ESR1: variants seen among roughly 807,000 people sequenced by gnomAD.
ESR1 encodes estrogen receptor.
A neutral mutation model predicts 52.7 loss-of-function variants in ESR1; 12 were observed. That is an observed-to-expected ratio of 0.23 (90% confidence interval 0.15 to 0.37). The LOEUF (loss-of-function observed/expected upper bound fraction) is 0.37, where lower values mean the gene tolerates loss of function less well. ESR1 is among the 10% of genes least tolerant of loss of function. The pLI, the probability that ESR1 is intolerant of heterozygous loss-of-function variation, is 1.00. For missense variants in ESR1, 584 were observed against 779.7 expected (o/e 0.75, Z 2.99); for synonymous variants, 305 against 316.8 (o/e 0.96, Z 0.39).
intron 3 of ESR1, among the ~76,000 whole-genome samples, chr6:151,884,598 G>A (rs555610365): frequency 3.3e-5 from 5 of 152,310 alleles, no homozygotes; most frequent in African/African-American, 1.2e-4. Context: ...CCAAAAGAGT[G>A]CATGATTTGT....
chr6:151,819,858 A>G (rs1451846796), intron 1 of ESR1, among the ~76,000 whole-genome samples: 2 of 152,212 alleles, frequency 1.3e-5, no homozygotes, highest in South Asian at 2.1e-4. Context: ...CTTATAAGGC[A>G]TATTAGAGTA....
At chr6:151,729,367 T>C (rs982034797) in intron 2 of ESR1, among the ~76,000 whole-genome samples, 10 of 152,206 alleles carry the variant, frequency 6.6e-5, no homozygotes, top group African/African-American at 1.9e-4. Flanking sequence ...ACCTAGTCTA[T>C]AGTGTGTTTT....
chr6:152,102,471 A>G lies in ESR1; in HGVS notation c.*3505A>G. The G allele has an allele frequency of 4.8e-6, 1 of 208,908 alleles. No individual in the cohort carries two copies. The highest frequency in any genetic ancestry group is 9.7e-6 in the Non-Finnish European group (1 of 102,612). The allele number at this position is 208,908 out of a possible 1,614,324, so 12.9% of individuals were successfully genotyped here. On this transcript the variant is annotated 3_prime_UTR_variant, in exon 8 of 8. Transcript: ENST00000206249. ...AAATAGAGTCATACAGTAGCTCAAA[A>G]GGCAACCATAATTCTCTTTGGTGCA...
intron 2 of ESR1, among the ~76,000 whole-genome samples, chr6:151,770,408 T>C (rs1006337844): frequency 1.8e-4 from 27 of 152,182 alleles, no homozygotes; most frequent in Non-Finnish European, 5.9e-5. Context: ...ATTTATTTTA[T>C]AGAATTTAAA....
chr6:152,078,490 G>A (rs2459107), intron 6 of ESR1, among the ~76,000 whole-genome samples: 66,602 of 151,892 alleles, frequency 0.44, 16,399 homozygotes, highest in African/African-American at 0.66. Context: ...TTAAAAATCA[G>A]TCTTTTGGTT....
chr6:151,854,968 C>T (rs1787543019), intron 2 of ESR1, among the ~76,000 whole-genome samples: 2 of 152,158 alleles, frequency 1.3e-5, no homozygotes, highest in African/African-American at 2.4e-5. Flanking sequence ...GGTTGGAGTG[C>T]AGTGGTGCGA....
At chr6:151,930,408 A>G (rs1480970226) in intron 3 of ESR1, among the ~76,000 whole-genome samples, 1 of 152,226 alleles carries the variant, frequency 6.6e-6, no homozygotes, top group East Asian at 1.9e-4. Context: ...TAGGGATATT[A>G]TAACATAGTA....
At chr6:151,930,953 T>G (rs1014497346) in intron 3 of ESR1, among the ~76,000 whole-genome samples, 1 of 152,146 alleles carries the variant, frequency 6.6e-6, no homozygotes, top group South Asian at 2.1e-4. Context: ...TTTTTCAAGA[T>G]TTTCTCCCTG....
intron 1 of ESR1, among the ~76,000 whole-genome samples, chr6:151,697,568 A>T (rs1419123261): frequency 1.3e-5 from 2 of 152,258 alleles, no homozygotes; most frequent in African/African-American, 2.4e-5. Flanking sequence ...TTTGGACAAG[A>T]TATAGATGCA....
At chr6:151,853,192 A>G (rs1291742261) in intron 2 of ESR1, among the ~76,000 whole-genome samples, 2 of 147,090 alleles carry the variant, frequency 1.4e-5, no homozygotes, top group South Asian at 2.1e-4. Context: ...AAAAAAAAAA[A>G]AAAAAAGAGA....
chr6:151,871,476 T>C (rs1325136235), intron 2 of ESR1, among the ~76,000 whole-genome samples: 1 of 152,144 alleles, frequency 6.6e-6, no homozygotes, highest in African/African-American at 2.4e-5. Context: ...CAATCTCGGC[T>C]CACTGCAACC....
In ESR1 at chr6:151,685,107, C is replaced by CTTTTT. The variant is rs772122906; in HGVS notation, n.74-16735_74-16731dup. ...TATCATTTTTGTCTGACACTGGCCT[C>CTTTTT]TTTTTTTTTTTTTTTTTTTTTTTTT... On this transcript the variant is annotated intron_variant and non_coding_transcript_variant, in intron 1 of 2. Coordinates refer to the ESR1 transcript ENST00000473497. 1.8e-4 allele frequency among the ~76,000 whole-genome samples: 13 copies of CTTTTT among 72,912 alleles called. 1 individual carries two copies. The highest frequency in any genetic ancestry group is 5.2e-4 in the South Asian group (1 of 1,928). The allele number at this position is 72,912 out of a possible 152,430, so 47.8% of individuals were successfully genotyped here.
chr6:151,832,101 A>G (rs941957812), intron 1 of ESR1, among the ~76,000 whole-genome samples: 1 of 152,228 alleles, frequency 6.6e-6, no homozygotes, highest in Non-Finnish European at 1.5e-5. Flanking sequence ...TTGTATCACT[A>G]AATAGATAAT....
chr6:151,788,740 G>C (rs1787249599), intron 2 of ESR1, among the ~76,000 whole-genome samples: 1 of 152,094 alleles, frequency 6.6e-6, no homozygotes, highest in South Asian at 2.1e-4. Flanking sequence ...AAGAAAATGT[G>C]GTACATATAC....
intron 4 of ESR1, among the ~76,000 whole-genome samples, chr6:151,956,963 G>A (rs562492393): frequency 1.9e-4 from 29 of 149,762 alleles, no homozygotes; most frequent in South Asian, 1.1e-3. Context: ...TGTAAGCTCC[G>A]CCTCCTGGGT....
intron 2 of ESR1, among the ~76,000 whole-genome samples, chr6:151,855,692 A>G (rs2128271921): frequency 6.6e-6 from 1 of 152,352 alleles, no homozygotes; most frequent in Admixed American, 6.5e-5. Flanking sequence ...ATTAAACAAT[A>G]GAAGAGTTAA....
chr6:152,125,047 C>T (rs1004855588), intron 6 of ESR1, among the ~76,000 whole-genome samples: 1 of 152,204 alleles, frequency 6.6e-6, no homozygotes, highest in African/African-American at 2.4e-5. Context: ...CTCACACAGC[C>T]AGTGGCAGAA....
intron 4 of ESR1, among the ~76,000 whole-genome samples, chr6:151,969,158 C>T (rs577715467): frequency 1.9e-4 from 29 of 152,162 alleles, no homozygotes; most frequent in African/African-American, 3.4e-4. Flanking sequence ...CAGGAAGAAC[C>T]TGGTTACCTC....
At chr6:151,724,083 G>C (rs1333414639) in intron 2 of ESR1, among the ~76,000 whole-genome samples, 1 of 152,102 alleles carries the variant, frequency 6.6e-6, no homozygotes, top group Non-Finnish European at 1.5e-5. Flanking sequence ...GCAGGGGCAT[G>C]AGCAGTGAGC....
Sources: allele counts gnomAD v4.1 joint callset (sites outside exome capture counted in the v4.1 genomes callset), GRCh38; gene constraint gnomAD v4.1.1; transcripts MANE v1.5; gene names NCBI Gene and HGNC (gene_info 2026-07-23, HGNC 2026-07-21).